Variants in MEF2C observed in about 807,000 individuals in gnomAD.
MEF2C encodes myocyte-specific enhancer factor 2C.
MEF2C carries 6 observed loss-of-function variants against 50.5 expected under a neutral mutation model. The observed-to-expected ratio is 0.12, with a 90% CI of 0.07 to 0.23. MEF2C has a LOEUF of 0.23. Ranked by LOEUF, MEF2C falls within the 10% of genes least tolerant of loss-of-function variation. The pLI, the probability that MEF2C is intolerant of heterozygous loss-of-function variation, is 1.00. For synonymous variants in MEF2C, 183 were observed against 228.0 expected (o/e 0.80, Z 1.78); for missense variants, 276 against 605.0 (o/e 0.46, Z 5.70).
intron 4 of MEF2C, among the ~76,000 whole-genome samples, chr5:88,754,142 G>C (rs1774128858): frequency 6.6e-6 from 1 of 152,190 alleles, no homozygotes. Context: ...TGGTCAGTGG[G>C]GGAGGCACCA....
chr5:88,821,813 A>G (rs1443933303), intron 2 of MEF2C, among the ~76,000 whole-genome samples: 1 of 151,900 alleles, frequency 6.6e-6, no homozygotes, highest in Non-Finnish European at 1.5e-5. Flanking sequence ...TAATGGATAC[A>G]AAAATAGGTA....
At chr5:88,820,985 C>G (rs2153208708) in intron 2 of MEF2C, among the ~76,000 whole-genome samples, 1 of 151,954 alleles carries the variant, frequency 6.6e-6, no homozygotes, top group Non-Finnish European at 1.5e-5. Context: ...TTTACTAATT[C>G]TGTTTAAAAG....
intron 3 of MEF2C, among the ~76,000 whole-genome samples, chr5:88,770,754 C>A (rs1387719418): frequency 6.6e-6 from 1 of 152,166 alleles, no homozygotes; most frequent in East Asian, 1.9e-4. Flanking sequence ...GGACTCCCAC[C>A]TTCCAGTCAA....
chr5:88,856,411 C>A (rs981529983), intron 1 of MEF2C, among the ~76,000 whole-genome samples: 2 of 152,162 alleles, frequency 1.3e-5, no homozygotes, highest in Admixed American at 6.5e-5. Flanking sequence ...AAAAGAAAAA[C>A]CCATTTTTTG....
chr5:88,839,058 GT>G lies in MEF2C; in HGVS notation c.-142-15129del, dbSNP rs555664134. Among the ~76,000 whole-genome samples the G allele has an allele frequency of 1.3e-3, 196 of 152,234 alleles. 1 individual carries two copies. The highest frequency in any genetic ancestry group is 4.5e-3 in the African/African-American group (189 of 41,540). ...CTGCACATTTTGGTGCATTATAGAAGTTAACATGACAGTTTTTTCACAATGT... is the reference window on the plus strand; with the variant it reads ...CTGCACATTTTGGTGCATTATAGAAGTAACATGACAGTTTTTTCACAATGT... On this transcript the variant is annotated intron_variant, in intron 1 of 10. Transcript: ENST00000504921.
chr5:88,873,708 A>AT (rs199642010), intron 1 of MEF2C, among the ~76,000 whole-genome samples: 3,473 of 93,386 alleles, frequency 0.037, 192 homozygotes, highest in Non-Finnish European at 0.049. Context: ...GTCGTCACGG[A>AT]TTTTTTTTTT....
At chr5:88,780,745 ATTT>A in intron 3 of MEF2C, 1 of 983,184 alleles carries the variant, frequency 1.0e-6, no homozygotes, top group Non-Finnish European at 1.2e-6. Flanking sequence ...TCAATTATTT[ATTT>A]TTGTGTCAGA....
At chr5:88,779,429 T>C (rs932402764) in intron 3 of MEF2C, among the ~76,000 whole-genome samples, 13 of 152,094 alleles carry the variant, frequency 8.5e-5, no homozygotes, top group East Asian at 1.9e-4. Flanking sequence ...CCCTCCCCGA[T>C]TGCATTACAT....
At chr5:88,747,333 C>CTTTTTTTTTTTTTTTTTTTTT (rs950842424) in intron 6 of MEF2C, among the ~76,000 whole-genome samples, 1 of 21,744 alleles carries the variant, frequency 4.6e-5, no homozygotes, top group Non-Finnish European at 1.1e-4. Context: ...TTTTTTACTA[C>CTTTTTTTTTTTTTTTTTTTTT]TTTTTTTTTT....
At chr5:88,864,675 T>C (rs1826676571) in intron 1 of MEF2C, among the ~76,000 whole-genome samples, 1 of 152,062 alleles carries the variant, frequency 6.6e-6, no homozygotes, top group South Asian at 2.1e-4. Context: ...CAGCACAGCC[T>C]TGAAGTCCTG....
chr5:88,885,704 C>G (rs115590422), upstream of MEF2C, among the ~76,000 whole-genome samples: 1,051 of 152,256 alleles, frequency 6.9e-3, 15 homozygotes, highest in African/African-American at 0.024. Context: ...CTTCAAGATT[C>G]ACGAAGGTCC....
intron 6 of MEF2C, chr5:88,744,085 T>C: frequency 1.0e-6 from 1 of 983,948 alleles, no homozygotes; most frequent in African/African-American, 1.7e-5. Flanking sequence ...TGGTCCTTTC[T>C]ACTCAATAAA....
chr5:88,751,004 G>C (rs1281321559), intron 5 of MEF2C: 1 of 749,826 alleles, frequency 1.3e-6, no homozygotes, highest in African/African-American at 1.9e-5. Context: ...AATTATTTTT[G>C]ATGCTGCTTC....
intron 6 of MEF2C, chr5:88,737,470 G>C: frequency 1.0e-6 from 1 of 985,390 alleles, no homozygotes; most frequent in Non-Finnish European, 1.2e-6. Flanking sequence ...ATGAAAAGTT[G>C]AAGTCTCTGA....
upstream of MEF2C, among the ~76,000 whole-genome samples, chr5:88,886,876 T>C: frequency 6.6e-6 from 1 of 152,246 alleles, no homozygotes; most frequent in Admixed American, 6.5e-5. Flanking sequence ...CAGAGCTGCA[T>C]ACCATCTTAC....
intron 2 of MEF2C, among the ~76,000 whole-genome samples, chr5:88,806,982 C>A (rs759294737): frequency 4.6e-5 from 7 of 152,066 alleles, no homozygotes; most frequent in Non-Finnish European, 1.0e-4. Flanking sequence ...GTGAAATCTT[C>A]AGAAAGATAC....
rs1446574634 is a variant in MEF2C, at chr5:88,720,197, T to C, written c.*2407A>G. 1 of 152,142 alleles carries C rather than the reference T, an allele frequency of 6.6e-6. No homozygotes were observed. The highest frequency in any genetic ancestry group is 1.5e-5 in the Non-Finnish European group (1 of 67,974). The allele number at this position is 152,142 out of a possible 1,614,324, so 9.4% of individuals were successfully genotyped here. ...GTCTATGGTGAGGAAAATGATTTTC[T>C]TATTTTATTCCCCTGTGCGTGTGTG... is the stretch of plus-strand genomic sequence containing the variant. On this transcript the variant is annotated 3_prime_UTR_variant, in exon 11 of 11. Coordinates refer to ENST00000504921, the MANE Select transcript of MEF2C (RefSeq NM_002397.5).
chr5:88,838,377 GTT>G, intron 1 of MEF2C: 3 of 178,546 alleles, frequency 1.7e-5, no homozygotes, highest in Non-Finnish European at 3.1e-5. Flanking sequence ...GCTGTTTTTG[GTT>G]TTTTTTTTTC....
At chr5:88,863,559 T>C (rs1191170687) in intron 1 of MEF2C, among the ~76,000 whole-genome samples, 1 of 152,236 alleles carries the variant, frequency 6.6e-6, no homozygotes, top group Non-Finnish European at 1.5e-5. Context: ...CAACACACTG[T>C]GCAACAGAAT....
Sources: gnomAD v4.1 joint callset for allele counts (sites outside exome capture counted in the v4.1 genomes callset) on GRCh38, gnomAD v4.1.1 for gene constraint, MANE v1.5 for transcripts, NCBI Gene and HGNC (gene_info 2026-07-23, HGNC 2026-07-21) for gene names.